The following MIER2 variants were observed in gnomAD, a reference collection of about 807,000 sequenced individuals.
The protein encoded by MIER2 is mesoderm induction early response protein 2.
A neutral mutation model predicts 67.6 loss-of-function variants in MIER2; 30 were observed. That is an observed-to-expected ratio of 0.44 (90% CI 0.33 to 0.60). MIER2 has a LOEUF of 0.60. MIER2 is among the 20% of genes least tolerant of loss of function. MIER2 has a pLI of 0.02. For missense variants in MIER2, 702 were observed against 745.1 expected (o/e 0.94, Z 0.67); for synonymous variants, 372 against 312.6 (o/e 1.19, Z -2.00).
At chr19:337,116 T>A (rs1293036896) in intron 1 of MIER2, among the ~76,000 whole-genome samples, 3 of 152,140 alleles carry the variant, frequency 2.0e-5, no homozygotes, top group Non-Finnish European at 2.9e-5. Flanking sequence ...AGTGCTGGCA[T>A]TATGGGTGTG....
Position 308,930 on chromosome 19 carries a change from G to A in MIER2, c.985-5C>T, listed in dbSNP as rs200873025. 30 of 1,599,484 alleles carry A rather than the reference G, an allele frequency of 1.9e-5. No individual in the cohort carries two copies. Among genetic ancestry groups the A allele is most frequent in the Admixed American group, 1.2e-4 (7 of 59,648 alleles). On this transcript the variant is annotated splice_polypyrimidine_tract_variant and splice_region_variant and intron_variant, in intron 10 of 13. Coordinates refer to ENST00000264819, the MANE Select transcript of MIER2 (RefSeq NM_017550.3). The surrounding 1 kb of genome is among the most constrained non-coding windows in gnomAD (Gnocchi z 9.1). ...GCCCACTGACCGTGTGCGCACCTGC[G>A]GGGAGGGGTCAGGAGCCATCTCTGT...
chr19:312,533 G>A (rs1290798279), intron 8 of MIER2, among the ~76,000 whole-genome samples: 22 of 7,248 alleles, frequency 3.0e-3, no homozygotes, highest in Admixed American at 3.4e-3. Flanking sequence ...GCGATGTCAG[G>A]GCCACCTACA....
intron 1 of MIER2, among the ~76,000 whole-genome samples, chr19:339,293 G>A (rs981586423): frequency 6.6e-6 from 1 of 152,094 alleles, no homozygotes; most frequent in African/African-American, 2.4e-5. Flanking sequence ...ATAGGCAAAG[G>A]ATCTGAACAG....
Position 306,264 on chromosome 19 carries a change from C to T in MIER2, c.*426G>A, listed in dbSNP as rs1027759379. 6 of 211,548 alleles carry T rather than the reference C, an allele frequency of 2.8e-5. No individual in the cohort carries two copies. Among genetic ancestry groups the T allele is most frequent in the African/African-American group, 9.4e-5 (4 of 42,568 alleles). 13.1% of individuals were successfully genotyped at this position (211,548 alleles called of 1,614,324 possible). ...ACAGAGCCAAGCAGGGAGCTGAGGG[C>T]GCCCCGGCGGAGGCTGCTGGTGCGG... On this transcript the variant is annotated 3_prime_UTR_variant, in exon 14 of 14. Coordinates refer to ENST00000264819, the MANE Select transcript of MIER2 (RefSeq NM_017550.3).
intron 9 of MIER2, 27 bp downstream of exon 9, chr19:312,163 CG>C: frequency 6.4e-7 from 1 of 1,553,316 alleles, no homozygotes; most frequent in Non-Finnish European, 8.7e-7. Flanking sequence ...GGGGCCGCAG[CG>C]GAAGGAAGGC....
intron 7 of MIER2, among the ~76,000 whole-genome samples, 185 bp downstream of exon 7, chr19:325,450 G>A (rs560312606): frequency 3.1e-4 from 47 of 152,282 alleles, no homozygotes; most frequent in Non-Finnish European, 5.0e-4. Context: ...GAGCTGGGCA[G>A]GGGCAGGCAG....
intron 1 of MIER2, among the ~76,000 whole-genome samples, chr19:343,037 T>C (rs888772961): frequency 6.6e-6 from 1 of 152,154 alleles, no homozygotes; most frequent in Non-Finnish European, 1.5e-5. Context: ...GGAGAGGCCC[T>C]GTCTGCTCCA....
intron 7 of MIER2, among the ~76,000 whole-genome samples, chr19:321,313 C>T (rs1400725726): frequency 6.6e-6 from 1 of 152,184 alleles, no homozygotes; most frequent in East Asian, 1.9e-4. Context: ...CCAGGAAGCA[C>T]GTTTATTCCA....
Position 334,930 on chromosome 19 carries a change from C to T in MIER2, c.101-388G>A, listed in dbSNP as rs1350596276. The stretch of plus-strand genomic sequence containing the variant: ...ACACCGGACTCCATGACTCCTGAAA[C>T]GGGGGTGACGCTGAACCCTCACCTG... On this transcript the variant is annotated intron_variant, in intron 2 of 13. Coordinates refer to ENST00000264819, the MANE Select transcript of MIER2 (RefSeq NM_017550.3). Among the ~76,000 whole-genome samples, 4 of 152,128 alleles carry T rather than the reference C, an allele frequency of 2.6e-5. No homozygotes were observed. In the East Asian group the frequency reaches 7.7e-4, roughly 29 times the overall value.
At chr19:310,566 C>CCA (rs1266206888) in intron 10 of MIER2, among the ~76,000 whole-genome samples, 2 of 151,226 alleles carry the variant, frequency 1.3e-5, no homozygotes, top group African/African-American at 4.9e-5. Flanking sequence ...CGGCCCGGAG[C>CCA]TATAGAAACA....
intron 3 of MIER2, among the ~76,000 whole-genome samples, chr19:333,436 CAT>C (rs1262803480): frequency 2.1e-5 from 1 of 47,364 alleles, no homozygotes; most frequent in Non-Finnish European, 3.6e-5. Context: ...GGCCAATTTA[CAT>C]GTCAGTTTTA....
At chr19:316,868 C>T (rs1971256735) in intron 7 of MIER2, among the ~76,000 whole-genome samples, 1 of 151,876 alleles carries the variant, frequency 6.6e-6, no homozygotes, top group Non-Finnish European at 1.5e-5. Context: ...ACTTGGGAGG[C>T]TGAGGCAGGA....
intron 1 of MIER2, 50 bp from the exon 2 acceptor site, chr19:336,223 C>T (rs754632903): frequency 6.8e-7 from 1 of 1,477,550 alleles, no homozygotes; most frequent in Non-Finnish European, 9.4e-7. Context: ...AAACCTGCTG[C>T]TGGACATCAC....
intron 3 of MIER2, chr19:334,137 T>A (rs1027140127): frequency 1.0e-5 from 4 of 390,590 alleles, no homozygotes; most frequent in African/African-American, 6.2e-5. Flanking sequence ...AAACTCTCAA[T>A]AATTTTTAAG....
intron 7 of MIER2, among the ~76,000 whole-genome samples, chr19:317,339 A>AAC (rs1237453113): frequency 6.6e-6 from 1 of 152,008 alleles, no homozygotes. Flanking sequence ...CACCCGGGCT[A>AAC]ACACGGTGAA....
chr19:320,218 A>T (rs904346993), intron 7 of MIER2, among the ~76,000 whole-genome samples: 70 of 135,964 alleles, frequency 5.1e-4, no homozygotes, highest in African/African-American at 1.6e-3. Context: ...CTACAAAATA[A>T]ACAAAAAAAA....
chr19:307,240 G>A lies in MIER2; in HGVS notation c.1495C>T (p.Pro499Ser). 6.3e-7 allele frequency: 1 copy of A among 1,593,824 alleles called. No homozygotes were observed. Among genetic ancestry groups the A allele is most frequent in the Non-Finnish European group, 8.5e-7 (1 of 1,170,574 alleles). ...LSGDPEETVA[P>S]AQVALSVTEF... is the part of the protein sequence containing the mutation. ...GTGACCGACAAAGCCACCTGTGCTG[G>A]GGCCACAGTCTCCTCCGGATCCCCG... The change falls in exon 13 of 14, where the codon CCA (proline) becomes TCA (serine). Residue 499 changes from proline (P) to serine (S), a missense_variant. Coordinates refer to ENST00000264819, the MANE Select transcript of MIER2 (RefSeq NM_017550.3).
chr19:308,760 G>A lies in MIER2; in HGVS notation c.1109+41C>T. On this transcript the variant is annotated intron_variant, in intron 11 of 13. Coordinates refer to ENST00000264819, the MANE Select transcript of MIER2 (RefSeq NM_017550.3). This position sits in a 1 kb window ranked among gnomAD's most constrained non-coding sequence, Gnocchi z 9.1. ...GCGCCCACGTGCCCACCCCCGGCGG[G>A]GTGGCCGCCTGTCGTTACTGCTGGG... The A allele has an allele frequency of 3.8e-6, 6 of 1,593,850 alleles. No homozygotes were observed. Among genetic ancestry groups the A allele is most frequent in the Non-Finnish European group, 5.1e-6 (6 of 1,165,368 alleles).
chr19:326,595 C>T lies in MIER2; in HGVS notation c.497G>A (p.Arg166His), dbSNP rs187460465. The T allele has an allele frequency of 2.5e-5, 41 of 1,613,994 alleles. No individual in the cohort carries two copies. The East Asian group carries it at 4.2e-4, about 17-fold the overall frequency. The change falls in exon 6 of 14, where the codon CGT (arginine) becomes CAT (histidine). Residue 166 changes from arginine (R) to histidine (H), a missense_variant. This residue lies in a region of MIER2 where 320 missense variants were observed against 292.6 expected (regional missense o/e 1.09). Coordinates refer to ENST00000264819, the MANE Select transcript of MIER2 (RefSeq NM_017550.3). Reference sequence around the variant, plus strand: ...CTCTCTGTCTTCATCAGCCAGGAAACGAGCTTTGGGAAAACAGAGGCAGGT... The same window carrying T: ...CTCTCTGTCTTCATCAGCCAGGAAATGAGCTTTGGGAAAACAGAGGCAGGT... ...SDLFPNRSGSRFLADEDREPG... is the reference protein window; with the variant it reads ...SDLFPNRSGSHFLADEDREPG...
Sources: gnomAD v4.1 joint callset for allele counts (sites outside exome capture counted in the v4.1 genomes callset) on GRCh38, gnomAD v4.1.1 for gene constraint, gnomAD v4.1.1 regional missense constraint, Gnocchi (gnomAD v3.1) non-coding constraint, MANE v1.5 for transcripts, NCBI Gene and HGNC (gene_info 2026-07-23, HGNC 2026-07-21) for gene names.